CADPS2: variants seen among roughly 807,000 people sequenced by gnomAD.
CADPS2 encodes calcium dependent secretion activator 2, also known as calcium-dependent secretion activator 2.
Under a neutral mutation model 172.5 loss-of-function variants are expected in CADPS2, and 93 were observed. The ratio of observed to expected loss-of-function variants is 0.54; its 90% CI spans 0.46 to 0.64. The LOEUF (loss-of-function observed/expected upper bound fraction) is 0.64. Among genes scored for constraint, CADPS2 ranks in the 30% least tolerant of loss-of-function variants. The pLI, the probability that CADPS2 is intolerant of heterozygous loss-of-function variation, is 0.00. For missense variants in CADPS2, 1,420 were observed against 1,565.9 expected (o/e 0.91, Z 1.57); for synonymous variants, 546 against 555.2 (o/e 0.98, Z 0.23).
intron 1 of CADPS2, among the ~76,000 whole-genome samples, chr7:122,815,911 C>A (rs1385502124): frequency 6.6e-6 from 1 of 152,050 alleles, no homozygotes; most frequent in South Asian, 2.1e-4. Context: ...AATAGTTGTA[C>A]ATATTTAGGA....
intron 1 of CADPS2, among the ~76,000 whole-genome samples, chr7:122,871,478 A>T (rs1260322061): frequency 6.6e-6 from 1 of 152,008 alleles, no homozygotes; most frequent in Non-Finnish European, 1.5e-5. Context: ...CCCACAAAAA[A>T]AAAACAGGAT....
chr7:122,754,991 T>C (rs2093100572), intron 1 of CADPS2, among the ~76,000 whole-genome samples: 1 of 152,178 alleles, frequency 6.6e-6, no homozygotes, highest in African/African-American at 2.4e-5. Flanking sequence ...CATAGTCTCC[T>C]TTAGAACTTT....
At chr7:122,813,167 CA>C (rs1226564893) in intron 1 of CADPS2, among the ~76,000 whole-genome samples, 1 of 152,056 alleles carries the variant, frequency 6.6e-6, no homozygotes, top group African/African-American at 2.4e-5. Flanking sequence ...GAGAAAACTG[CA>C]AGCTAATTAT....
intron 9 of CADPS2, among the ~76,000 whole-genome samples, chr7:122,502,329 T>C (rs759365610): frequency 1.8e-4 from 27 of 152,136 alleles, no homozygotes; most frequent in Non-Finnish European, 3.5e-4. Context: ...GTTTTTTCAT[T>C]CTGAGAAGCT....
intron 27 of CADPS2, among the ~76,000 whole-genome samples, chr7:122,350,617 C>T (rs990705702): frequency 2.0e-5 from 3 of 152,092 alleles, no homozygotes; most frequent in African/African-American, 4.8e-5. Flanking sequence ...TGGAAATACA[C>T]AGAGATTACA....
At chr7:122,528,023 AAT>A (rs1434662788) in intron 8 of CADPS2, among the ~76,000 whole-genome samples, 1 of 151,904 alleles carries the variant, frequency 6.6e-6, no homozygotes, top group Admixed American at 6.6e-5. Context: ...CCCTTGCTAT[AAT>A]AGATGGGGTC....
intron 8 of CADPS2, among the ~76,000 whole-genome samples, chr7:122,545,707 TAC>T (rs1214799513): frequency 6.6e-6 from 1 of 152,162 alleles, no homozygotes; most frequent in Non-Finnish European, 1.5e-5. Flanking sequence ...TGGGAAGTAC[TAC>T]AGAGAGATAG....
At chr7:122,453,807 G>T (rs2053425246) in intron 14 of CADPS2, among the ~76,000 whole-genome samples, 1 of 152,154 alleles carries the variant, frequency 6.6e-6, no homozygotes. Context: ...GAGCCAGGGG[G>T]TCAGGTGATG....
rs754733386 is a variant in CADPS2, at chr7:122,663,474, T to G, written c.549A>C (p.Lys183Asn). The G allele has an allele frequency of 1.1e-5, 17 of 1,613,672 alleles. No homozygotes were observed. In the Middle Eastern group the frequency reaches 4.9e-4, roughly 47 times the overall value. The change falls in exon 3 of 30, where the codon AAA (lysine) becomes AAC (asparagine). Residue 183 changes from lysine (K) to asparagine (N), a missense_variant. By Grantham distance (94) the Lys-to-Asn change is moderately conservative. Coordinates refer to ENST00000449022, the MANE Select transcript of CADPS2 (RefSeq NM_017954.11). ...CTATTTCTGGCAAACTCCGCACACG[T>G]TTTTCTATGTTTTTCTTAAATACTT... ...FREVFKKNIE[K>N]RVRSLPEIDG... is the part of the protein sequence containing the mutation.
At chr7:122,476,609 C>T (rs1396738760) in intron 12 of CADPS2, among the ~76,000 whole-genome samples, 2 of 151,896 alleles carry the variant, frequency 1.3e-5, no homozygotes, top group Non-Finnish European at 2.9e-5. Flanking sequence ...AAACAATTAC[C>T]ATTGGTGATA....
intron 1 of CADPS2, among the ~76,000 whole-genome samples, chr7:122,772,218 T>C (rs2093726973): frequency 6.6e-6 from 1 of 152,312 alleles, no homozygotes; most frequent in Non-Finnish European, 1.5e-5. Context: ...CACTAAATAT[T>C]TGAAAGATTA....
At chr7:122,750,463 T>C (rs2092904659) in intron 1 of CADPS2, among the ~76,000 whole-genome samples, 1 of 152,128 alleles carries the variant, frequency 6.6e-6, no homozygotes, top group Non-Finnish European at 1.5e-5. Context: ...ACATCTTCCT[T>C]TGTTCTTTGG....
intron 3 of CADPS2, among the ~76,000 whole-genome samples, chr7:122,644,605 G>A (rs1409073680): frequency 6.6e-6 from 1 of 152,060 alleles, no homozygotes; most frequent in Non-Finnish European, 1.5e-5. Context: ...AAAGGTTCTT[G>A]GACTCCAATA....
intron 1 of CADPS2, among the ~76,000 whole-genome samples, chr7:122,875,962 AG>A (rs1014911538): frequency 6.6e-6 from 1 of 152,202 alleles, no homozygotes; most frequent in Non-Finnish European, 1.5e-5. Context: ...ACACAAAGAA[AG>A]GATACAAACT....
intron 1 of CADPS2, among the ~76,000 whole-genome samples, chr7:122,840,702 G>C (rs1810225551): frequency 6.6e-6 from 1 of 152,020 alleles, no homozygotes; most frequent in African/African-American, 2.4e-5. Flanking sequence ...GATATCCTGA[G>C]CCCAGAAACT....
Position 122,556,416 on chromosome 7 carries a change from A to T in CADPS2, c.1336-1727T>A, listed in dbSNP as rs78882463. ...CCATCCCCCACACCAACTTTAAAAA[A>T]ATTATTTGGCATGAGCCACTTACAG... is the stretch of plus-strand genomic sequence containing the variant. On this transcript the variant is annotated intron_variant, in intron 7 of 29. Transcript: ENST00000449022. 7.9e-3 allele frequency among the ~76,000 whole-genome samples: 1,208 copies of T among 152,272 alleles called. 8 individuals carry two copies. Among genetic ancestry groups the T allele is most frequent in the Non-Finnish European group, 0.013 (890 of 68,014 alleles).
chr7:122,456,391 A>G (rs2053784099), intron 14 of CADPS2, among the ~76,000 whole-genome samples: 1 of 152,100 alleles, frequency 6.6e-6, no homozygotes, highest in African/African-American at 2.4e-5. Context: ...AGTCTTATGT[A>G]TCAATATTTA....
At chr7:122,786,618 CCTTTCAATTTTGA>C (rs1250128885) in intron 1 of CADPS2, among the ~76,000 whole-genome samples, 2 of 152,060 alleles carry the variant, frequency 1.3e-5, no homozygotes, top group African/African-American at 4.8e-5. Context: ...GATAATTTTG[CCTTTCAATTTTGA>C]GATGTAAATT....
intron 2 of CADPS2, among the ~76,000 whole-genome samples, chr7:122,734,387 GA>G (rs768675808): frequency 0.051 from 4,604 of 90,322 alleles, 62 homozygotes; most frequent in Middle Eastern, 0.064. Context: ...AAAAAAAAAA[GA>G]AAAAAAAAAA....
Sources: gnomAD v4.1 joint callset for allele counts (sites outside exome capture counted in the v4.1 genomes callset) on GRCh38, gnomAD v4.1.1 for gene constraint, MANE v1.5 for transcripts, NCBI Gene and HGNC (gene_info 2026-07-23, HGNC 2026-07-21) for gene names.